The following ABCB9 variants were observed in gnomAD, a reference collection of about 807,000 sequenced individuals.
The protein encoded by ABCB9 is ABC-type oligopeptide transporter ABCB9.
A neutral mutation model predicts 62.0 loss-of-function variants in ABCB9; 36 were observed. The ratio of observed to expected loss-of-function variants is 0.58; its 90% confidence interval spans 0.45 to 0.77. The LOEUF (loss-of-function observed/expected upper bound fraction) is 0.77. Ranked by LOEUF, ABCB9 falls within the 30% of genes least tolerant of loss-of-function variation. ABCB9 has a pLI of 0.00. For missense variants in ABCB9, 943 were observed against 1,054.7 expected, an observed-to-expected ratio of 0.89 and a Z score of 1.47; for synonymous variants, 435 against 461.4, an observed-to-expected ratio of 0.94 and a Z score of 0.73.
chr12:122,967,094 G>T (rs1219769443), upstream of ABCB9, among the ~76,000 whole-genome samples: 3 of 152,202 alleles, frequency 2.0e-5, no homozygotes, highest in Admixed American at 2.0e-4. Flanking sequence ...CAAGATCAGG[G>T]ATTCGGGGCA....
In ABCB9 at chr12:122,929,721, G is replaced by T. The variant is rs2035035265; in HGVS notation, c.*190C>A. 6.5e-6 allele frequency: 9 copies of T among 1,374,164 alleles called. No individual in the cohort carries two copies. In the South Asian group the frequency reaches 1.7e-4, roughly 26 times the overall value. The allele number at this position is 1,374,164 out of a possible 1,614,324, so 85.1% of individuals were successfully genotyped here. On this transcript the variant is annotated 3_prime_UTR_variant, in exon 12 of 12. Coordinates refer to ENST00000280560, the MANE Select transcript of ABCB9 (RefSeq NM_019625.4). This position sits in a 1 kb window ranked among gnomAD's most constrained non-coding sequence, Gnocchi z 6.0. ...GAAGGCGTTGGCTCAGGGCAGCAGG[G>T]GTAAGGAGTGCCCTGGGAATGGGGC... is the stretch of plus-strand genomic sequence containing the variant.
At chr12:122,943,052 C>T (rs956445343) in intron 7 of ABCB9, among the ~76,000 whole-genome samples, 17 of 152,166 alleles carry the variant, frequency 1.1e-4, no homozygotes, top group African/African-American at 2.9e-4. Flanking sequence ...TGCCTGCGGG[C>T]TGCGGGCTTT....
chr12:122,965,001 G>A (rs1466985776), intron 1 of ABCB9, among the ~76,000 whole-genome samples: 2 of 152,162 alleles, frequency 1.3e-5, no homozygotes, highest in Non-Finnish European at 2.9e-5. Context: ...CCTTTGCAGA[G>A]AAGGCCAGGA....
At position 122,959,498 on chromosome 12, in the gene ABCB9, A is replaced by T; in HGVS notation, c.601+137T>A. On this transcript the variant is annotated intron_variant, in intron 2 of 11. Coordinates refer to ENST00000280560, the MANE Select transcript of ABCB9 (RefSeq NM_019625.4). This position sits in a 1 kb window ranked among gnomAD's most constrained non-coding sequence, Gnocchi z 5.4. ...AGTGCTGGGATTATAGATATGAGCC[A>T]CTATGCCTGGCCTCTTTTCCTTTTC... The T allele has an allele frequency of 7.1e-7, 1 of 1,401,936 alleles. No individual in the cohort carries two copies. Among genetic ancestry groups the T allele is most frequent in the Non-Finnish European group, 9.6e-7 (1 of 1,043,028 alleles). The allele number at this position is 1,401,936 out of a possible 1,614,324, so 86.8% of individuals were successfully genotyped here.
downstream of ABCB9, chr12:122,924,695 G>A (rs535251043): frequency 3.7e-5 from 56 of 1,525,744 alleles, no homozygotes; most frequent in East Asian, 1.5e-4. Flanking sequence ...CTGGGGTGCC[G>A]TGCTCCTCTT....
intron 1 of ABCB9, chr12:122,972,858 CAT>C (rs1162689154): frequency 6.6e-6 from 1 of 152,168 alleles, no homozygotes; most frequent in Non-Finnish European, 1.5e-5. Flanking sequence ...CATATACAGA[CAT>C]ATACATATGA....
In ABCB9 at chr12:122,940,299, C is replaced by A; in HGVS notation, c.1570-15G>T. On this transcript the variant is annotated splice_polypyrimidine_tract_variant and intron_variant, in intron 8 of 11. Coordinates refer to ENST00000280560, the MANE Select transcript of ABCB9 (RefSeq NM_019625.4). This position sits in a 1 kb window ranked among gnomAD's most constrained non-coding sequence, Gnocchi z 4.8. ...AAGGAGACATTCTGCAAAGAACACA[C>A]AGGCACAGTGCGGGGTTATCGGCTC... is the stretch of plus-strand genomic sequence containing the variant. The A allele has an allele frequency of 6.4e-7, 1 of 1,573,828 alleles. No individual in the cohort carries two copies. Among genetic ancestry groups the A allele is most frequent in the East Asian group, 2.2e-5 (1 of 44,476 alleles).
At chr12:122,921,252 C>T (rs1386054633) in intron 11 of ABCB9, among the ~76,000 whole-genome samples, 1 of 151,092 alleles carries the variant, frequency 6.6e-6, no homozygotes, top group African/African-American at 2.4e-5. Context: ...TCTGTCTCTA[C>T]AGAAAATCTA....
chr12:122,970,855 C>T (rs1002841841), upstream of ABCB9, among the ~76,000 whole-genome samples: 2 of 152,146 alleles, frequency 1.3e-5, no homozygotes, highest in African/African-American at 4.8e-5. Context: ...AGCTATCAAG[C>T]CATGAAAAGG....
intron 2 of ABCB9, among the ~76,000 whole-genome samples, chr12:122,954,336 G>T (rs1163231447): frequency 6.6e-6 from 1 of 152,058 alleles, no homozygotes; most frequent in Non-Finnish European, 1.5e-5. Flanking sequence ...AGCCTCCCGA[G>T]TAGCTGGGAT....
In ABCB9 at chr12:122,929,453, G is replaced by A. The variant is rs1040897918; in HGVS notation, c.*458C>T. On this transcript the variant is annotated 3_prime_UTR_variant, in exon 12 of 12. Coordinates refer to ENST00000280560, the MANE Select transcript of ABCB9 (RefSeq NM_019625.4). The surrounding 1 kb of genome is among the most constrained non-coding windows in gnomAD (Gnocchi z 6.0). ...GGACAGGGAAGCCCCTTCTCTGGAG[G>A]GGTAAAGGGGAGAGGCCTAGTCTCT... 2 of 989,062 alleles carry A rather than the reference G, an allele frequency of 2.0e-6. No homozygotes were observed. The highest frequency in any genetic ancestry group is 2.4e-6 in the Non-Finnish European group (2 of 832,222). 61.3% of individuals were successfully genotyped at this position (989,062 alleles called of 1,614,324 possible).
intron 10 of ABCB9, among the ~76,000 whole-genome samples, chr12:122,934,111 G>A (rs973729490): frequency 6.6e-6 from 1 of 152,110 alleles, no homozygotes; most frequent in Admixed American, 6.6e-5. Flanking sequence ...AGCAAGGTGT[G>A]GTGGTGGGCA....
chr12:122,929,950 G>A lies in ABCB9; in HGVS notation c.2262C>T (p.Gly754=), dbSNP rs748287773. Residue 754 remains glycine (G), a synonymous_variant, in exon 12 of 12, where the codon GGC becomes GGT. Transcript: ENST00000280560. This position sits in a 1 kb window ranked among gnomAD's most constrained non-coding sequence, Gnocchi z 6.0. ...GLQPAADFTA[G]HNEPVANGSH... is the part of the protein sequence containing the mutation. Reference sequence around the variant, plus strand: ...TGCCGTTGGCTACAGGCTCGTTGTGGCCAGCTGTGAAGTCTGCGGCGGGCT... The same window carrying A: ...TGCCGTTGGCTACAGGCTCGTTGTGACCAGCTGTGAAGTCTGCGGCGGGCT... 7.0e-6 allele frequency: 11 copies of A among 1,574,672 alleles called. No homozygotes were observed. Among genetic ancestry groups the A allele is most frequent in the Admixed American group, 7.0e-5 (4 of 57,404 alleles).
At chr12:122,935,226 G>C (rs368354303) in intron 10 of ABCB9, 46 bp downstream of exon 10, 3 of 1,552,494 alleles carry the variant, frequency 1.9e-6, no homozygotes, top group African/African-American at 1.4e-5. Flanking sequence ...ATGTCCCTGA[G>C]GGTGACCCTG....
intron 3 of ABCB9, 26 bp downstream of exon 3, chr12:122,950,425 C>G (rs765150975): frequency 2.5e-6 from 4 of 1,590,692 alleles, no homozygotes; most frequent in Non-Finnish European, 2.6e-6. Flanking sequence ...GTGTGCGGGG[C>G]AGGGCGTGGG....
At position 122,929,846 on chromosome 12, in the gene ABCB9, C is replaced by A; in HGVS notation, c.*65G>T. On this transcript the variant is annotated 3_prime_UTR_variant, in exon 12 of 12. Transcript: ENST00000280560. The surrounding 1 kb of genome is among the most constrained non-coding windows in gnomAD (Gnocchi z 6.0). ...GGCTCGGAGGGCAGCTGGGGGCCTCCGTGGGCACATCTGCCAGGCAGGCAC... is the reference window on the plus strand; with the variant it reads ...GGCTCGGAGGGCAGCTGGGGGCCTCAGTGGGCACATCTGCCAGGCAGGCAC... 6.8e-7 allele frequency: 1 copy of A among 1,466,616 alleles called. No homozygotes were observed. Among genetic ancestry groups the A allele is most frequent in the Non-Finnish European group, 9.0e-7 (1 of 1,112,266 alleles). 90.9% of individuals were successfully genotyped at this position (1,466,616 alleles called of 1,614,324 possible).
At chr12:122,924,023 G>T (rs992889372), downstream of ABCB9, among the ~76,000 whole-genome samples, 8 of 152,162 alleles carry the variant, frequency 5.3e-5, no homozygotes, top group East Asian at 3.8e-4. Flanking sequence ...CATCACCAGG[G>T]TCCCTGTGGG....
At chr12:122,972,190 G>A (rs953998449) in intron 1 of ABCB9, among the ~76,000 whole-genome samples, 4 of 151,880 alleles carry the variant, frequency 2.6e-5, no homozygotes, top group Admixed American at 1.3e-4. Flanking sequence ...GACTACAGAC[G>A]CCAGCCACCG....
chr12:122,935,818 C>T (rs2035430084), intron 9 of ABCB9, among the ~76,000 whole-genome samples: 1 of 152,228 alleles, frequency 6.6e-6, no homozygotes, highest in African/African-American at 2.4e-5. Flanking sequence ...CCAGGTCACA[C>T]AGACTGCCCT....
Sources: allele counts gnomAD v4.1 joint callset (sites outside exome capture counted in the v4.1 genomes callset), GRCh38; gene constraint gnomAD v4.1.1; non-coding constraint Gnocchi (gnomAD v3.1); transcripts MANE v1.5; gene names NCBI Gene and HGNC (gene_info 2026-07-23, HGNC 2026-07-21).